Variants in SPATA9 observed in about 807,000 individuals in gnomAD.
SPATA9 encodes the protein spermatogenesis associated 9, also known as spermatogenesis-associated protein 9.
SPATA9 carries 27 observed loss-of-function variants against 25.5 expected under a neutral mutation model. The ratio of observed to expected loss-of-function variants is 1.06; its 90% CI spans 0.78 to 1.46. SPATA9 has a LOEUF of 1.46. SPATA9 is among the 40% of genes most tolerant of loss of function. The pLI is 0.00. For synonymous variants in SPATA9, 102 were observed against 105.7 expected (o/e 0.97, Z 0.21); for missense variants, 282 against 297.5 (o/e 0.95, Z 0.38).
At position 95,696,904 on chromosome 5, in the gene SPATA9, C is replaced by T. The variant is rs558180808; in HGVS notation, n.124+1684G>A. Among the ~76,000 whole-genome samples, 123 of 152,264 alleles carry T rather than the reference C, an allele frequency of 8.1e-4. 3 individuals carry two copies. The South Asian group carries it at 0.025, about 31-fold the overall frequency. ...ACGGTAATTTCTTAAAGATTAGGTGCAACCTAAATACCATATCAGTGAACT... is the reference window on the plus strand; with the variant it reads ...ACGGTAATTTCTTAAAGATTAGGTGTAACCTAAATACCATATCAGTGAACT... On this transcript the variant is annotated intron_variant and non_coding_transcript_variant, in intron 1 of 2. Coordinates refer to the SPATA9 transcript ENST00000379990.
At chr5:95,654,818 CT>C (rs1318655095), downstream of SPATA9, among the ~76,000 whole-genome samples, 1 of 150,854 alleles carries the variant, frequency 6.6e-6, no homozygotes, top group Non-Finnish European at 1.5e-5. Flanking sequence ...TATGAGATCT[CT>C]TTTTTCATCA....
At chr5:95,715,423 C>A in the SPATA9 span, among the ~76,000 whole-genome samples, 1 of 151,832 alleles carries the variant, frequency 6.6e-6, no homozygotes, top group Non-Finnish European at 1.5e-5. Flanking sequence ...ACAGGATAAC[C>A]AAGTAGACGA....
chr5:95,712,920 A>G, the SPATA9 span, among the ~76,000 whole-genome samples: 1 of 152,144 alleles, frequency 6.6e-6, no homozygotes, highest in Non-Finnish European at 1.5e-5. Context: ...CAATGTTTAA[A>G]GTTTTCTTCA....
chr5:95,707,587 A>G, the SPATA9 span, among the ~76,000 whole-genome samples: 2 of 152,198 alleles, frequency 1.3e-5, no homozygotes, highest in African/African-American at 4.8e-5. Flanking sequence ...AGGGGCTTTA[A>G]GACTATTACA....
chr5:95,708,233 T>C, the SPATA9 span, among the ~76,000 whole-genome samples: 1 of 142,366 alleles, frequency 7.0e-6, no homozygotes, highest in Non-Finnish European at 1.5e-5. Context: ...ATCAACTTTG[T>C]CAGGGGGTTT....
the SPATA9 span, among the ~76,000 whole-genome samples, chr5:95,724,198 C>T: frequency 6.6e-6 from 1 of 152,134 alleles, no homozygotes; most frequent in Non-Finnish European, 1.5e-5. Context: ...TTTAAAGGCT[C>T]TCTGAAAAGA....
chr5:95,658,706 G>T lies in SPATA9; in HGVS notation c.682C>A (p.Leu228Ile), dbSNP rs139907956. The stretch of plus-strand genomic sequence containing the variant: ...TTATTACTCTGCTTATTAGCAAGAA[G>T]CTTGGGGTAATCTGAAATGTCTGGC... ...EKPDISDYPKLLANKQSNNIQ... is the reference protein window; with the variant it reads ...EKPDISDYPKILANKQSNNIQ... The change falls in exon 5 of 5, where the codon CTT becomes ATT. Residue 228 changes from leucine to isoleucine, a missense_variant. Leu to Ile is a conservative substitution (Grantham distance 5). Transcript: ENST00000274432. The T allele has an allele frequency of 2.5e-6, 4 of 1,613,670 alleles. No individual in the cohort carries two copies. The African/African-American group carries it at 4.0e-5, about 16-fold the overall frequency.
upstream of SPATA9, among the ~76,000 whole-genome samples, chr5:95,700,996 C>T (rs153916): frequency 0.57 from 86,495 of 152,040 alleles, 24,778 homozygotes; most frequent in East Asian, 0.8. Context: ...TTGTAGTTTA[C>T]TGATACTCCC....
upstream of SPATA9, among the ~76,000 whole-genome samples, chr5:95,702,719 A>C (rs1754208305): frequency 6.6e-6 from 1 of 152,114 alleles, no homozygotes; most frequent in Non-Finnish European, 1.5e-5. Flanking sequence ...CTACAAAAAA[A>C]AAGTTTTATA....
the SPATA9 span, among the ~76,000 whole-genome samples, chr5:95,726,426 C>T: frequency 5.3e-5 from 8 of 152,110 alleles, no homozygotes; most frequent in East Asian, 1.9e-4. Context: ...TTATTGAATT[C>T]GCCTTCAATA....
intron 3 of SPATA9, chr5:95,670,913 C>T: frequency 1.0e-6 from 1 of 985,332 alleles, no homozygotes; most frequent in Non-Finnish European, 1.2e-6. Context: ...ACGTTGTTTA[C>T]TACAACTTAG....
chr5:95,652,513 A>G (rs1170360969), downstream of SPATA9: 17 of 781,046 alleles, frequency 2.2e-5, no homozygotes. Context: ...CAAAAATACC[A>G]TTCATTTCTT....
chr5:95,695,675 G>A (rs1194915387), intron 1 of SPATA9, among the ~76,000 whole-genome samples: 1 of 152,142 alleles, frequency 6.6e-6, no homozygotes, highest in Non-Finnish European at 1.5e-5. Context: ...GTTTATGTGA[G>A]TTATATCTAT....
At chr5:95,688,003 T>C (rs1319228475) in intron 1 of SPATA9, among the ~76,000 whole-genome samples, 1 of 152,118 alleles carries the variant, frequency 6.6e-6, no homozygotes, top group Non-Finnish European at 1.5e-5. Context: ...TGGACAACAG[T>C]ATGGAGATTT....
chr5:95,731,215 C>T, the SPATA9 span: 4 of 1,003,540 alleles, frequency 4.0e-6, no homozygotes, highest in Admixed American at 6.0e-5. Flanking sequence ...GGAGCGCGTC[C>T]CCCGCATCCG....
the SPATA9 span, among the ~76,000 whole-genome samples, chr5:95,721,883 T>C: frequency 3.3e-5 from 5 of 152,256 alleles, no homozygotes; most frequent in East Asian, 9.6e-4. Flanking sequence ...GGGGTAGAAC[T>C]GCCAACCTAA....
chr5:95,679,178 ATT>A (rs1561411634), intron 2 of SPATA9, among the ~76,000 whole-genome samples: 24 of 152,302 alleles, frequency 1.6e-4, no homozygotes, highest in African/African-American at 5.5e-4. Flanking sequence ...AGTTTCTCTG[ATT>A]TCAGCAATGG....
At chr5:95,708,847 G>T in the SPATA9 span, 1 of 538,048 alleles carries the variant, frequency 1.9e-6, no homozygotes. Context: ...TGTTGTGAAA[G>T]AGGTGAGGAG....
At chr5:95,700,150 T>C (rs935216076), upstream of SPATA9, among the ~76,000 whole-genome samples, 1 of 152,224 alleles carries the variant, frequency 6.6e-6, no homozygotes, top group Non-Finnish European at 1.5e-5. Flanking sequence ...TATTTTTATA[T>C]TAAATTCTAA....
Sources: gnomAD v4.1 joint callset for allele counts (sites outside exome capture counted in the v4.1 genomes callset) on GRCh38, gnomAD v4.1.1 for gene constraint, MANE v1.5 for transcripts, NCBI Gene and HGNC (gene_info 2026-07-23, HGNC 2026-07-21) for gene names.